NALF1: variants seen among roughly 807,000 people sequenced by gnomAD.
The protein encoded by NALF1 is NALCN channel auxiliary factor 1, also known as family with sequence similarity 155 member A.
NALF1 carries 3 observed loss-of-function variants against 48.4 expected under a neutral mutation model. That is an observed-to-expected ratio of 0.06 (90% confidence interval 0.03 to 0.16). The LOEUF is 0.16. Ranked by LOEUF, NALF1 falls within the 10% of genes least tolerant of loss-of-function variation. The probability of loss-of-function intolerance (pLI) is 1.00; values close to 1 mark genes in which losing one functional copy is unlikely to be tolerated. For synonymous variants in NALF1, 262 were observed against 245.7 expected, an observed-to-expected ratio of 1.07 and a Z score of -0.62; for missense variants, 526 against 571.5, an observed-to-expected ratio of 0.92 and a Z score of 0.81.
At chr13:107,477,514 T>C (rs1351196798) in intron 1 of NALF1, among the ~76,000 whole-genome samples, 41 of 151,968 alleles carry the variant, frequency 2.7e-4, no homozygotes, top group Admixed American at 2.6e-3. Context: ...CAAATATCCA[T>C]TCCTAGGCCC....
intron 1 of NALF1, among the ~76,000 whole-genome samples, chr13:107,414,460 G>T (rs1423901674): frequency 6.7e-6 from 1 of 149,902 alleles, no homozygotes; most frequent in Non-Finnish European, 1.5e-5. Context: ...ATTATATTCG[G>T]TAACAAATTA....
At chr13:107,213,571 G>A (rs977129599) in intron 1 of NALF1, among the ~76,000 whole-genome samples, 10 of 152,182 alleles carry the variant, frequency 6.6e-5, no homozygotes, top group African/African-American at 2.4e-4. Context: ...GAAGGACGGA[G>A]GAGAAATATT....
At chr13:107,707,947 A>C (rs557611615) in intron 1 of NALF1, among the ~76,000 whole-genome samples, 1 of 152,214 alleles carries the variant, frequency 6.6e-6, no homozygotes, top group East Asian at 1.9e-4. Flanking sequence ...GGTTTTTTAA[A>C]TGCATGCTGT....
chr13:107,499,927 C>T (rs1179447220), intron 1 of NALF1, among the ~76,000 whole-genome samples: 1 of 152,068 alleles, frequency 6.6e-6, no homozygotes, highest in Non-Finnish European at 1.5e-5. Context: ...TCTGAGGGAA[C>T]TCATTATCTT....
intron 1 of NALF1, among the ~76,000 whole-genome samples, chr13:107,487,754 C>G (rs1263708785): frequency 2.6e-5 from 4 of 151,878 alleles, no homozygotes; most frequent in Non-Finnish European, 5.9e-5. Flanking sequence ...TTTTGTTGTG[C>G]CCCTGCCAGG....
intron 1 of NALF1, among the ~76,000 whole-genome samples, chr13:107,701,777 G>A (rs573613505): frequency 6.6e-6 from 1 of 152,198 alleles, no homozygotes; most frequent in East Asian, 1.9e-4. Flanking sequence ...TAGATATATC[G>A]ATTTTCTTCA....
At chr13:107,475,136 A>G (rs1169083906) in intron 1 of NALF1, among the ~76,000 whole-genome samples, 1 of 152,170 alleles carries the variant, frequency 6.6e-6, no homozygotes, top group Non-Finnish European at 1.5e-5. Context: ...TGAAATGTGA[A>G]AGGGAAACAA....
intron 1 of NALF1, among the ~76,000 whole-genome samples, chr13:107,317,201 C>T (rs554449019): frequency 2.0e-5 from 3 of 152,118 alleles, no homozygotes; most frequent in East Asian, 3.9e-4. Flanking sequence ...TATCTAGAAG[C>T]AGAATCAAGG....
intron 1 of NALF1, among the ~76,000 whole-genome samples, chr13:107,488,539 T>C (rs1490286730): frequency 2.0e-5 from 3 of 152,176 alleles, no homozygotes; most frequent in Non-Finnish European, 2.9e-5. Context: ...ATTATCTCAA[T>C]AGATGCAGAA....
At chr13:107,787,871 C>A (rs958825396) in intron 1 of NALF1, among the ~76,000 whole-genome samples, 2 of 152,056 alleles carry the variant, frequency 1.3e-5, no homozygotes, top group Non-Finnish European at 2.9e-5. Flanking sequence ...TAATATAATT[C>A]TTTTTTTAGA....
At chr13:107,283,476 C>G (rs897858522) in intron 1 of NALF1, among the ~76,000 whole-genome samples, 1 of 151,808 alleles carries the variant, frequency 6.6e-6, no homozygotes, top group African/African-American at 2.4e-5. Flanking sequence ...CAACACAAAT[C>G]GGTTAAAAAA....
At chr13:107,262,218 C>T (rs980927641) in intron 1 of NALF1, among the ~76,000 whole-genome samples, 5 of 152,016 alleles carry the variant, frequency 3.3e-5, no homozygotes, top group African/African-American at 1.2e-4. Context: ...AGTTCTAAAC[C>T]AGCCTGGCCA....
chr13:107,476,006 A>T (rs7336493), intron 1 of NALF1, among the ~76,000 whole-genome samples: 31 of 151,988 alleles, frequency 2.0e-4, no homozygotes, highest in Admixed American at 5.2e-4. Flanking sequence ...CTGAAGACAG[A>T]TTCATTGAGA....
intron 2 of NALF1, among the ~76,000 whole-genome samples, chr13:107,194,050 A>ATCTG (rs369309810): frequency 6.1e-5 from 7 of 113,870 alleles, no homozygotes; most frequent in Non-Finnish European, 1.3e-4. Context: ...CTATCTATCT[A>ATCTG]TCTATCTATA....
chr13:107,345,018 TTG>T (rs1882748017), intron 1 of NALF1, among the ~76,000 whole-genome samples: 1 of 152,064 alleles, frequency 6.6e-6, no homozygotes, highest in African/African-American at 2.4e-5. Context: ...CAGAAATCAG[TTG>T]TGTTTCTATG....
At chr13:107,583,486 A>G (rs1360540598) in intron 1 of NALF1, among the ~76,000 whole-genome samples, 1 of 152,148 alleles carries the variant, frequency 6.6e-6, no homozygotes. Flanking sequence ...TGTGTGGCCA[A>G]TGATATAATG....
intron 1 of NALF1, among the ~76,000 whole-genome samples, chr13:107,865,241 G>C (rs1001477258): frequency 2.0e-5 from 3 of 152,178 alleles, no homozygotes; most frequent in South Asian, 4.1e-4. Context: ...GTCACTATGA[G>C]AGCGTTCCTG....
intron 1 of NALF1, among the ~76,000 whole-genome samples, chr13:107,312,461 T>C (rs1882066211): frequency 6.6e-6 from 1 of 152,056 alleles, no homozygotes; most frequent in Admixed American, 6.6e-5. Context: ...TTAGGAGATA[T>C]ACCTAATGTA....
At chr13:107,303,750 C>T (rs1881881979) in intron 1 of NALF1, among the ~76,000 whole-genome samples, 1 of 151,990 alleles carries the variant, frequency 6.6e-6, no homozygotes, top group African/African-American at 2.4e-5. Flanking sequence ...TTTTTTTAAT[C>T]TCCTGAACAA....
Sources: allele counts gnomAD v4.1 joint callset (sites outside exome capture counted in the v4.1 genomes callset), GRCh38; gene constraint gnomAD v4.1.1; transcripts MANE v1.5; gene names NCBI Gene and HGNC (gene_info 2026-07-23, HGNC 2026-07-21).